The following ZNF385D variants were observed in gnomAD, a reference collection of about 807,000 sequenced individuals.
The protein encoded by ZNF385D is zinc finger protein 385D, also known as zinc finger protein 659.
ZNF385D carries 15 observed loss-of-function variants against 35.8 expected under a neutral mutation model. That is an observed-to-expected ratio of 0.42 (90% CI 0.28 to 0.64). ZNF385D has a LOEUF of 0.64. Ranked by LOEUF, ZNF385D falls within the 30% of genes least tolerant of loss-of-function variation. The probability of loss-of-function intolerance (pLI) is 0.23; values close to 1 mark genes in which losing one functional copy is unlikely to be tolerated. For missense variants in ZNF385D, 474 were observed against 494.6 expected, an observed-to-expected ratio of 0.96 and a Z score of 0.39; for synonymous variants, 212 against 186.8, an observed-to-expected ratio of 1.13 and a Z score of -1.10.
intron 1 of ZNF385D, among the ~76,000 whole-genome samples, chr3:21,696,064 A>G (rs1031319916): frequency 5.3e-5 from 8 of 152,146 alleles, no homozygotes; most frequent in Admixed American, 4.6e-4. Flanking sequence ...ATTTTGCCCA[A>G]TTTCCTACAA....
intron 1 of ZNF385D, among the ~76,000 whole-genome samples, chr3:21,690,252 C>T (rs1288248444): frequency 4.6e-5 from 7 of 152,052 alleles, no homozygotes; most frequent in South Asian, 4.1e-4. Context: ...TATTCATATA[C>T]ATCCATATAG....
rs1454798344 is a variant in ZNF385D, at chr3:21,465,236, C to G, written c.440-28033G>C. Among the ~76,000 whole-genome samples the G allele has an allele frequency of 6.6e-6, 1 of 152,118 alleles. No homozygotes were observed. Among genetic ancestry groups the G allele is most frequent in the Non-Finnish European group, 1.5e-5 (1 of 68,040 alleles). On this transcript the variant is annotated intron_variant, in intron 4 of 7. Coordinates refer to ENST00000281523, the MANE Select transcript of ZNF385D (RefSeq NM_024697.3). The surrounding 1 kb of genome is among the most constrained non-coding windows in gnomAD (Gnocchi z 4.2). Reference sequence around the variant, plus strand: ...TTCACATAGGGAACTACACTTATCTCCAGAGTCTTCCCAATTTCTTTTGCT... The same window carrying G: ...TTCACATAGGGAACTACACTTATCTGCAGAGTCTTCCCAATTTCTTTTGCT...
rs185659648 is a variant in ZNF385D, at chr3:22,187,334, A to G, written c.107-18299T>C. Among the ~76,000 whole-genome samples, 30 of 152,296 alleles carry G rather than the reference A, an allele frequency of 2.0e-4. No homozygotes were observed. The East Asian group carries it at 2.5e-3, about 13-fold the overall frequency. On this transcript the variant is annotated intron_variant, in intron 2 of 5. Transcript: ENST00000494108. ...ATGTTTTTCAATTAACTGGTGATAC[A>G]TATCTATTTCTCAAGCTCATGATAA... is the stretch of plus-strand genomic sequence containing the variant.
intron 4 of ZNF385D, among the ~76,000 whole-genome samples, chr3:21,506,428 T>G (rs1706784249): frequency 6.6e-6 from 1 of 152,132 alleles, no homozygotes; most frequent in South Asian, 2.1e-4. Context: ...CTAACCTAAC[T>G]GATAAACAAT....
rs1031485643 is a variant in ZNF385D at position 21,471,311 on chromosome 3, A to T, written c.440-34108T>A. The stretch of plus-strand genomic sequence containing the variant: ...CTCTCTCTCTCACACACACACACAC[A>T]CACACACACACACACACACACACAC... On this transcript the variant is annotated intron_variant, in intron 4 of 7. Coordinates refer to ENST00000281523, the MANE Select transcript of ZNF385D (RefSeq NM_024697.3). Among the ~76,000 whole-genome samples, 108 of 140,710 alleles carry T rather than the reference A, an allele frequency of 7.7e-4. 1 individual carries two copies. Among genetic ancestry groups the T allele is most frequent in the Middle Eastern group, 3.6e-3 (1 of 280 alleles). The allele number at this position is 140,710 out of a possible 152,430, so 92.3% of individuals were successfully genotyped here.
At chr3:22,228,651 A>G (rs1296828236) in intron 2 of ZNF385D, among the ~76,000 whole-genome samples, 1 of 152,144 alleles carries the variant, frequency 6.6e-6, no homozygotes, top group African/African-American at 2.4e-5. Context: ...GTTGCAAAGT[A>G]TTGTTCCTGG....
intron 2 of ZNF385D, among the ~76,000 whole-genome samples, chr3:21,605,985 G>C (rs1037377908): frequency 5.9e-5 from 9 of 152,102 alleles, no homozygotes; most frequent in African/African-American, 2.2e-4. Flanking sequence ...ATTCTCTGTT[G>C]GCCACCTCCT....
intron 4 of ZNF385D, among the ~76,000 whole-genome samples, chr3:21,440,987 A>G (rs567593436): frequency 6.6e-6 from 1 of 152,214 alleles, no homozygotes. Context: ...GCAGTTACTC[A>G]TGCACTCAAA....
intron 2 of ZNF385D, among the ~76,000 whole-genome samples, chr3:22,260,363 G>A (rs942278782): frequency 1.3e-5 from 2 of 152,030 alleles, no homozygotes; most frequent in East Asian, 2.0e-4. Flanking sequence ...GGGCGGCAAG[G>A]GGAGGGAGAG....
At chr3:22,211,128 T>A (rs1402357289) in intron 2 of ZNF385D, among the ~76,000 whole-genome samples, 1 of 151,878 alleles carries the variant, frequency 6.6e-6, no homozygotes, top group Non-Finnish European at 1.5e-5. Flanking sequence ...GGAGTGTGTT[T>A]GCAAAGTTAT....
intron 3 of ZNF385D, among the ~76,000 whole-genome samples, chr3:21,793,578 A>G (rs1170982330): frequency 2.6e-5 from 4 of 152,246 alleles, no homozygotes; most frequent in African/African-American, 9.6e-5. Context: ...AGTGCAAACC[A>G]CTTCCTAAGG....
chr3:21,931,312 G>A (rs189883659), intron 3 of ZNF385D, among the ~76,000 whole-genome samples: 4 of 152,280 alleles, frequency 2.6e-5, no homozygotes, highest in African/African-American at 9.6e-5. Context: ...TAGAGAGGAT[G>A]AGGAGACACC....
chr3:22,185,738 T>A (rs1695587407), intron 2 of ZNF385D, among the ~76,000 whole-genome samples: 1 of 152,192 alleles, frequency 6.6e-6, no homozygotes, highest in South Asian at 2.1e-4. Context: ...AGTGCTGGGA[T>A]TACAGGTGTG....
At chr3:22,260,044 A>G (rs1454634418) in intron 2 of ZNF385D, among the ~76,000 whole-genome samples, 1 of 152,042 alleles carries the variant, frequency 6.6e-6, no homozygotes, top group African/African-American at 2.4e-5. Context: ...TAGTATACTA[A>G]TAATTGAAAA....
intron 1 of ZNF385D, among the ~76,000 whole-genome samples, chr3:21,750,576 C>G (rs956366369): frequency 2.6e-5 from 4 of 152,168 alleles, no homozygotes; most frequent in African/African-American, 9.7e-5. Context: ...TGACTTCCCA[C>G]GCTGCACTAT....
chr3:22,156,401 C>A (rs1705583547), intron 3 of ZNF385D, among the ~76,000 whole-genome samples: 1 of 152,076 alleles, frequency 6.6e-6, no homozygotes, highest in Admixed American at 6.6e-5. Context: ...TGCCCCTGCA[C>A]AGATGGATTA....
intron 3 of ZNF385D, among the ~76,000 whole-genome samples, chr3:22,129,569 T>C (rs979918920): frequency 5.3e-5 from 8 of 152,120 alleles, no homozygotes; most frequent in Admixed American, 5.2e-4. Context: ...CTTATCCCTG[T>C]CCTTTCCTGA....
intron 2 of ZNF385D, among the ~76,000 whole-genome samples, chr3:21,582,860 C>T (rs2063708000): frequency 6.6e-6 from 1 of 152,146 alleles, no homozygotes; most frequent in Admixed American, 6.5e-5. Flanking sequence ...TCACTGCAAC[C>T]TCCACCTCCT....
chr3:21,947,109 T>C (rs1017153097), intron 3 of ZNF385D, among the ~76,000 whole-genome samples: 9 of 152,188 alleles, frequency 5.9e-5, no homozygotes, highest in Non-Finnish European at 1.2e-4. Flanking sequence ...GTGATATAAA[T>C]ATTTCAGTTT....
Sources: allele counts gnomAD v4.1 joint callset (sites outside exome capture counted in the v4.1 genomes callset), GRCh38; gene constraint gnomAD v4.1.1; non-coding constraint Gnocchi (gnomAD v3.1); transcripts MANE v1.5; gene names NCBI Gene and HGNC (gene_info 2026-07-23, HGNC 2026-07-21).